TAFA2: variants seen among roughly 807,000 people sequenced by gnomAD.
The protein encoded by TAFA2 is chemokine-like protein TAFA-2.
In TAFA2, 7 loss-of-function variants were observed where a neutral mutation model predicts 18.8. The observed-to-expected ratio is 0.37, with a 90% CI of 0.21 to 0.70. TAFA2 has a LOEUF of 0.70. Ranked by LOEUF, TAFA2 falls within the 30% of genes least tolerant of loss-of-function variation. TAFA2 has a pLI of 0.53. For missense variants in TAFA2, 122 were observed against 158.1 expected, an observed-to-expected ratio of 0.77 and a Z score of 1.23; for synonymous variants, 60 against 54.2, an observed-to-expected ratio of 1.11 and a Z score of -0.47.
chr12:62,222,503 A>T (rs2062767294), intron 1 of TAFA2, among the ~76,000 whole-genome samples: 2 of 150,912 alleles, frequency 1.3e-5, no homozygotes, highest in South Asian at 2.1e-4. Flanking sequence ...GATATTATTT[A>T]TTATTATTAT....
At chr12:61,830,282 A>T (rs1872669812) in intron 2 of TAFA2, among the ~76,000 whole-genome samples, 1 of 150,506 alleles carries the variant, frequency 6.6e-6, no homozygotes. Context: ...ACACAGGTTT[A>T]TTCCATATCT....
intron 4 of TAFA2, among the ~76,000 whole-genome samples, chr12:61,751,144 A>G (rs552665100): frequency 6.6e-6 from 1 of 152,222 alleles, no homozygotes; most frequent in East Asian, 1.9e-4. Flanking sequence ...GCAAAGTAAC[A>G]CATGCCTAGA....
In TAFA2 at chr12:61,962,803, G is replaced by A. The variant is rs185464608; in HGVS notation, c.-1-95377C>T. Among the ~76,000 whole-genome samples the A allele has an allele frequency of 3.9e-3, 587 of 151,950 alleles. 5 individuals carry two copies. The highest frequency in any genetic ancestry group is 0.013 in the African/African-American group (554 of 41,470). On this transcript the variant is annotated intron_variant, in intron 1 of 4. Coordinates refer to ENST00000416284, the MANE Select transcript of TAFA2 (RefSeq NM_178539.5). The stretch of plus-strand genomic sequence containing the variant: ...CTGGGGTACATGTGCAGAACATGCA[G>A]GTTTGTTACATAGACATACACATGC...
intron 1 of TAFA2, among the ~76,000 whole-genome samples, chr12:61,970,388 G>GA (rs1027455447): frequency 1.3e-5 from 2 of 151,144 alleles, no homozygotes; most frequent in African/African-American, 4.8e-5. Flanking sequence ...GGCCACAAAA[G>GA]AAAAAATACA....
chr12:61,749,230 G>A (rs1173259672), intron 4 of TAFA2, among the ~76,000 whole-genome samples: 2 of 152,024 alleles, frequency 1.3e-5, no homozygotes, highest in African/African-American at 4.8e-5. Context: ...CTAAGACTGT[G>A]CCACTGCACT....
intron 2 of TAFA2, among the ~76,000 whole-genome samples, chr12:61,771,393 T>G (rs11174168): frequency 0.032 from 4,893 of 152,032 alleles, 273 homozygotes; most frequent in African/African-American, 0.11. Flanking sequence ...AACAGATATT[T>G]ACAGAACACT....
intron 1 of TAFA2, among the ~76,000 whole-genome samples, chr12:62,119,598 A>G (rs1298166531): frequency 6.6e-6 from 1 of 152,192 alleles, no homozygotes; most frequent in African/African-American, 2.4e-5. Flanking sequence ...TCATTTTTGT[A>G]TTAGCTCTTT....
chr12:62,080,314 G>T (rs1868299534), intron 1 of TAFA2, among the ~76,000 whole-genome samples: 1 of 152,182 alleles, frequency 6.6e-6, no homozygotes, highest in Admixed American at 6.5e-5. Flanking sequence ...GCTTATCAAG[G>T]ATGTTTTTCT....
chr12:62,199,885 G>A (rs766257989), intron 1 of TAFA2, among the ~76,000 whole-genome samples: 1 of 152,096 alleles, frequency 6.6e-6, no homozygotes, highest in African/African-American at 2.4e-5. Context: ...GTGTAAAAGT[G>A]TTTCTGTTTG....
chr12:62,109,273 G>A (rs777069294), intron 1 of TAFA2, among the ~76,000 whole-genome samples: 5 of 152,102 alleles, frequency 3.3e-5, no homozygotes, highest in South Asian at 2.1e-4. Context: ...CAGGTTTGTC[G>A]AAGATCAGAT....
intron 2 of TAFA2, among the ~76,000 whole-genome samples, chr12:61,762,289 T>C (rs1412197256): frequency 6.6e-6 from 1 of 152,076 alleles, no homozygotes. Flanking sequence ...TGTGGAGGAA[T>C]GCAGTAAGTG....
At chr12:62,239,046 T>A (rs946437797) in intron 1 of TAFA2, among the ~76,000 whole-genome samples, 4 of 152,214 alleles carry the variant, frequency 2.6e-5, no homozygotes, top group Non-Finnish European at 5.9e-5. Context: ...AGACTTTAGA[T>A]CTTTTCACAG....
chr12:61,947,545 G>T (rs349873), intron 1 of TAFA2, among the ~76,000 whole-genome samples: 6,147 of 152,104 alleles, frequency 0.04, 219 homozygotes, highest in African/African-American at 0.1. Context: ...GAAAACTAAT[G>T]ATGTGTTCTG....
chr12:62,062,800 G>A (rs1882385864), intron 1 of TAFA2, among the ~76,000 whole-genome samples: 1 of 152,110 alleles, frequency 6.6e-6, no homozygotes, highest in Non-Finnish European at 1.5e-5. Flanking sequence ...CCTTATGGTT[G>A]AATAGTGGAG....
chr12:61,821,866 T>C (rs1872336355), intron 2 of TAFA2, among the ~76,000 whole-genome samples: 1 of 152,158 alleles, frequency 6.6e-6, no homozygotes, highest in South Asian at 2.1e-4. Flanking sequence ...GTTTTTAGTT[T>C]ATAAGTCATT....
intron 1 of TAFA2, among the ~76,000 whole-genome samples, chr12:61,889,659 ATTATT>A (rs1875541202): frequency 6.6e-6 from 1 of 152,226 alleles, no homozygotes; most frequent in African/African-American, 2.4e-5. Context: ...TTATTTTAAT[ATTATT>A]TTAATAGTTT....
At chr12:61,827,286 T>G (rs1328488474) in intron 2 of TAFA2, 2 of 152,036 alleles carry the variant, frequency 1.3e-5, no homozygotes, top group South Asian at 2.1e-4. Context: ...TTCTAGAATT[T>G]TATGAGAAAG....
At chr12:61,877,119 G>A (rs570188087) in intron 1 of TAFA2, among the ~76,000 whole-genome samples, 11 of 152,204 alleles carry the variant, frequency 7.2e-5, no homozygotes, top group Non-Finnish European at 1.6e-4. Flanking sequence ...AACTGATTAA[G>A]AATCAAAGCA....
chr12:61,923,648 G>T (rs1383939977), intron 1 of TAFA2, among the ~76,000 whole-genome samples: 1 of 152,066 alleles, frequency 6.6e-6, no homozygotes, highest in African/African-American at 2.4e-5. Context: ...GCACAAAAAG[G>T]CTGAGAATTC....
Sources: allele counts gnomAD v4.1 joint callset (sites outside exome capture counted in the v4.1 genomes callset), GRCh38; gene constraint gnomAD v4.1.1; transcripts MANE v1.5; gene names NCBI Gene and HGNC (gene_info 2026-07-23, HGNC 2026-07-21).